The following GPC5 variants were observed in gnomAD, a reference collection of about 807,000 sequenced individuals.
The protein encoded by GPC5 is glypican-5.
A neutral mutation model predicts 53.9 loss-of-function variants in GPC5; 47 were observed. The observed-to-expected ratio is 0.87, with a 90% CI of 0.69 to 1.11. The LOEUF is 1.11. Ranked by LOEUF, GPC5 falls within the 50% of genes most tolerant of loss-of-function variation. The pLI is 0.00. For synonymous variants in GPC5, 286 were observed against 263.3 expected (o/e 1.09, Z -0.84); for missense variants, 748 against 713.1 (o/e 1.05, Z -0.56).
rs1007101170 is a variant in GPC5 at position 91,630,962 on chromosome 13, GTT to G, written c.326-62220_326-62219del. Among the ~76,000 whole-genome samples the G allele has an allele frequency of 2.6e-5, 4 of 152,022 alleles. No homozygotes were observed. In the East Asian group the frequency reaches 7.7e-4, roughly 29 times the overall value. On this transcript the variant is annotated intron_variant, in intron 2 of 7. Coordinates refer to ENST00000377067, the MANE Select transcript of GPC5 (RefSeq NM_004466.6). ...TAACTTAACCATAGGTCCAACATCT[GTT>G]TTTTAAAAGCTTACATCTTTTTGTC...
chr13:91,977,381 A>T (rs2040313339), intron 6 of GPC5, among the ~76,000 whole-genome samples: 1 of 152,238 alleles, frequency 6.6e-6, no homozygotes, highest in Admixed American at 6.5e-5. Context: ...GGAAGAAAGC[A>T]ATTTGTTATA....
intron 6 of GPC5, among the ~76,000 whole-genome samples, chr13:92,123,731 G>A (rs2041670223): frequency 6.6e-6 from 1 of 152,062 alleles, no homozygotes; most frequent in Non-Finnish European, 1.5e-5. Flanking sequence ...ATTTATGAAT[G>A]CCCTATACAT....
intron 3 of GPC5, among the ~76,000 whole-genome samples, chr13:91,718,389 C>T (rs1193005975): frequency 1.3e-5 from 2 of 151,732 alleles, no homozygotes; most frequent in African/African-American, 4.8e-5. Flanking sequence ...GGATTACAGG[C>T]GTGAGCCACT....
At chr13:92,341,740 G>T (rs2043368446) in intron 7 of GPC5, among the ~76,000 whole-genome samples, 1 of 151,974 alleles carries the variant, frequency 6.6e-6, no homozygotes, top group African/African-American at 2.4e-5. Context: ...ACCAGCATTA[G>T]CAAGGACAAC....
chr13:91,646,113 T>C (rs2034551519), intron 2 of GPC5, among the ~76,000 whole-genome samples: 1 of 152,192 alleles, frequency 6.6e-6, no homozygotes. Flanking sequence ...AACTCAGCAG[T>C]GGCTCTCATA....
At chr13:91,524,672 A>G (rs1174353443) in intron 2 of GPC5, among the ~76,000 whole-genome samples, 1 of 152,106 alleles carries the variant, frequency 6.6e-6, no homozygotes, top group East Asian at 1.9e-4. Flanking sequence ...CTACACAGGT[A>G]TTACTTGCTG....
chr13:92,202,389 TA>T (rs1266551613), intron 7 of GPC5, among the ~76,000 whole-genome samples: 15 of 152,184 alleles, frequency 9.9e-5, no homozygotes, highest in African/African-American at 3.4e-4. Context: ...AGTGAGGCAA[TA>T]AATAGGAGTA....
chr13:91,569,185 G>C (rs575289055), intron 2 of GPC5, among the ~76,000 whole-genome samples: 1 of 152,108 alleles, frequency 6.6e-6, no homozygotes, highest in East Asian at 1.9e-4. Context: ...AGACCAAGGA[G>C]ATATAAAATT....
chr13:91,728,508 C>A, intron 3 of GPC5, 24 bp from the exon 4 acceptor site: 2 of 1,600,746 alleles, frequency 1.2e-6, no homozygotes, highest in Non-Finnish European at 1.7e-6. Flanking sequence ...TTCTAACTAC[C>A]TTTTAATGTT....
chr13:92,297,683 G>A (rs527848312), intron 7 of GPC5, among the ~76,000 whole-genome samples: 44 of 152,166 alleles, frequency 2.9e-4, no homozygotes, highest in Middle Eastern at 3.4e-3. Context: ...ACCAATCAGC[G>A]CCCTGACAAA....
intron 2 of GPC5, among the ~76,000 whole-genome samples, chr13:91,683,362 T>C (rs2035551353): frequency 1.3e-5 from 2 of 152,176 alleles, no homozygotes; most frequent in Non-Finnish European, 2.9e-5. Context: ...GCCTGGCATC[T>C]AGAACTGAGA....
intron 7 of GPC5, among the ~76,000 whole-genome samples, chr13:92,801,915 G>A (rs2042789059): frequency 6.6e-6 from 1 of 151,730 alleles, no homozygotes; most frequent in Non-Finnish European, 1.5e-5. Flanking sequence ...CTTTAAACAG[G>A]TATAAAGTTA....
At chr13:92,319,747 A>G (rs76247969) in intron 7 of GPC5, among the ~76,000 whole-genome samples, 3,924 of 152,258 alleles carry the variant, frequency 0.026, 105 homozygotes, top group African/African-American at 0.074. Flanking sequence ...TCATACATTT[A>G]TGTATCACAC....
intron 2 of GPC5, among the ~76,000 whole-genome samples, chr13:91,587,752 A>G (rs9515944): frequency 0.49 from 73,758 of 152,040 alleles, 21,621 homozygotes; most frequent in East Asian, 0.72. Flanking sequence ...TCCTGAAAGC[A>G]GGAACTGCCT....
intron 5 of GPC5, among the ~76,000 whole-genome samples, chr13:91,895,251 G>A (rs941696571): frequency 5.3e-5 from 8 of 152,104 alleles, no homozygotes; most frequent in Non-Finnish European, 4.4e-5. Flanking sequence ...TTTATGACAA[G>A]CTTTAGAGAG....
chr13:91,566,183 A>G (rs2031518254), intron 2 of GPC5, among the ~76,000 whole-genome samples: 1 of 152,128 alleles, frequency 6.6e-6, no homozygotes. Flanking sequence ...CTACAGCCTC[A>G]AAATGTATTA....
At chr13:92,388,329 A>G (rs1874839163) in intron 7 of GPC5, among the ~76,000 whole-genome samples, 1 of 152,124 alleles carries the variant, frequency 6.6e-6, no homozygotes, top group African/African-American at 2.4e-5. Context: ...AGAAAAAATG[A>G]TAAGCTTAGT....
chr13:92,177,760 A>G (rs2139031217), intron 7 of GPC5, among the ~76,000 whole-genome samples: 1 of 152,320 alleles, frequency 6.6e-6, no homozygotes, highest in Middle Eastern at 3.4e-3. Context: ...CCTCTTTTAA[A>G]CATTCCTACC....
chr13:91,661,177 C>A (rs2034978840), intron 2 of GPC5, among the ~76,000 whole-genome samples: 1 of 151,944 alleles, frequency 6.6e-6, no homozygotes, highest in Non-Finnish European at 1.5e-5. Flanking sequence ...GCTGGCCATG[C>A]AGTGGATCTG....
Sources: allele counts gnomAD v4.1 joint callset (sites outside exome capture counted in the v4.1 genomes callset), GRCh38; gene constraint gnomAD v4.1.1; transcripts MANE v1.5; gene names NCBI Gene and HGNC (gene_info 2026-07-23, HGNC 2026-07-21).